The following RAPGEF6 variants were observed in gnomAD, a reference collection of about 807,000 sequenced individuals.
RAPGEF6 encodes Rap guanine nucleotide exchange factor 6.
In RAPGEF6, 56 loss-of-function variants were observed where a neutral mutation model predicts 171.4. The observed-to-expected ratio is 0.33, with a 90% CI of 0.26 to 0.41. The LOEUF is 0.41. RAPGEF6 is among the 10% of genes least tolerant of loss of function. The pLI, the probability that RAPGEF6 is intolerant of heterozygous loss-of-function variation, is 1.00. For synonymous variants in RAPGEF6, 692 were observed against 650.1 expected, an observed-to-expected ratio of 1.06 and a Z score of -0.98; for missense variants, 1,674 against 1,921.4, an observed-to-expected ratio of 0.87 and a Z score of 2.41.
At chr5:131,521,840 TACACACACACACACACAC>T (rs3992018) in intron 6 of RAPGEF6, among the ~76,000 whole-genome samples, 1,739 of 97,246 alleles carry the variant, frequency 0.018, 39 homozygotes, top group African/African-American at 0.054. Context: ...AATGTTACCC[TACACACACACACACACAC>T]ACACACACAC....
intron 18 of RAPGEF6, 45 bp from the exon 19 acceptor site, chr5:131,462,133 TTAAA>T: frequency 7.6e-7 from 1 of 1,307,190 alleles, no homozygotes; most frequent in Non-Finnish European, 1.0e-6. Flanking sequence ...ATAAATATGA[TTAAA>T]TAAGAGCACT....
At position 131,431,121 on chromosome 5, in the gene RAPGEF6, A is replaced by G; in HGVS notation, c.4203T>C (p.Ala1401=). 2 of 1,614,192 alleles carry G rather than the reference A, an allele frequency of 1.2e-6. No homozygotes were observed. Among genetic ancestry groups the G allele is most frequent in the South Asian group, 1.1e-5 (1 of 91,082 alleles). ...GCTCAGAGTCAGTGGGTTCAACTTC[A>G]GCAATGGGGTCATCCAAATGGGTAT... ...YRHTHLDDPI[A]EVEPTDSEPY... Residue 1401 remains alanine (A), a synonymous_variant, in exon 26 of 28, where the codon GCT becomes GCC. Coordinates refer to ENST00000509018, the MANE Select transcript of RAPGEF6 (RefSeq NM_016340.6).
intron 4 of RAPGEF6, among the ~76,000 whole-genome samples, chr5:131,575,661 C>G (rs188064518): frequency 1.4e-4 from 21 of 152,312 alleles, no homozygotes; most frequent in Admixed American, 1.0e-3. Context: ...CCCACAGACC[C>G]TAAGTCCTTT....
rs1708013202 is a variant in RAPGEF6 at position 131,510,334 on chromosome 5, T to C, written c.785A>G (p.Asp262Gly). The C allele has an allele frequency of 6.2e-7, 1 of 1,613,382 alleles. No homozygotes were observed. Among genetic ancestry groups the C allele is most frequent in the African/African-American group, 1.3e-5 (1 of 74,930 alleles). ...VRECLEKEPA[D>G]KTDDDIEQLL... ...CTTACCAATGTCATCATCAGTTTTGTCTGCAGGTTCTTTTTCAAGACATTC... is the reference window on the plus strand; with the variant it reads ...CTTACCAATGTCATCATCAGTTTTGCCTGCAGGTTCTTTTTCAAGACATTC... The change falls in exon 8 of 28, where the codon GAC becomes GGC. Residue 262 changes from aspartate to glycine, a missense_variant. Coordinates refer to ENST00000509018, the MANE Select transcript of RAPGEF6 (RefSeq NM_016340.6).
At chr5:131,614,197 G>A (rs1329851106) in intron 1 of RAPGEF6, among the ~76,000 whole-genome samples, 2 of 141,820 alleles carry the variant, frequency 1.4e-5, no homozygotes, top group Admixed American at 7.5e-5. Flanking sequence ...CAGGAGAATC[G>A]CCTGAACCTG....
At chr5:131,630,645 T>C (rs1045662641) in intron 1 of RAPGEF6, among the ~76,000 whole-genome samples, 1 of 152,198 alleles carries the variant, frequency 6.6e-6, no homozygotes, top group Non-Finnish European at 1.5e-5. Context: ...CACACTGTGT[T>C]AGAAAGATAT....
intron 24 of RAPGEF6, chr5:131,436,265 T>C (rs1308533042): frequency 1.3e-6 from 2 of 1,537,432 alleles, no homozygotes; most frequent in African/African-American, 2.7e-5. Context: ...GTACTGTCTG[T>C]TCTTTTGGCT....
chr5:131,504,475 A>AAT, intron 11 of RAPGEF6, 151 bp downstream of exon 11: 1 of 840,012 alleles, frequency 1.2e-6, no homozygotes, highest in Non-Finnish European at 1.7e-6. Flanking sequence ...AAAAAAAAAA[A>AAT]TTTTAGAGAA....
chr5:131,438,742 G>C (rs1023830190), intron 24 of RAPGEF6, among the ~76,000 whole-genome samples: 1 of 152,082 alleles, frequency 6.6e-6, no homozygotes, highest in Non-Finnish European at 1.5e-5. Context: ...ATGAAAACAC[G>C]TAAATGAACA....
intron 1 of RAPGEF6, among the ~76,000 whole-genome samples, chr5:131,626,625 C>T (rs1300722506): frequency 6.6e-6 from 1 of 152,026 alleles, no homozygotes; most frequent in Non-Finnish European, 1.5e-5. Context: ...ATACCTTTGT[C>T]ACTAATAACT....
At chr5:131,529,607 T>TA (rs564226793) in intron 6 of RAPGEF6, among the ~76,000 whole-genome samples, 3 of 151,448 alleles carry the variant, frequency 2.0e-5, no homozygotes, top group Middle Eastern at 3.4e-3. Flanking sequence ...CATCAAGGAT[T>TA]AAAAAAAATA....
At position 131,505,558 on chromosome 5, in the gene RAPGEF6, A is replaced by T. The variant is rs774512877; in HGVS notation, c.943-36T>A. The T allele has an allele frequency of 4.8e-5, 75 of 1,563,358 alleles. No homozygotes were observed. The African/African-American group carries it at 6.3e-4, about 13-fold the overall frequency. On this transcript the variant is annotated intron_variant, in intron 9 of 27. Transcript: ENST00000509018. The stretch of plus-strand genomic sequence containing the variant: ...AAACAAAGGTTTTATGAATCTTTTT[A>T]AAAAAGGTAGTTACATGTTAACTTT...
At chr5:131,588,948 T>C (rs1443223685) in intron 4 of RAPGEF6, among the ~76,000 whole-genome samples, 1 of 151,598 alleles carries the variant, frequency 6.6e-6, no homozygotes, top group African/African-American at 2.4e-5. Flanking sequence ...TGCATGCCTG[T>C]AATCCCAGCT....
chr5:131,477,889 C>G (rs1755212912), intron 16 of RAPGEF6, among the ~76,000 whole-genome samples: 1 of 152,144 alleles, frequency 6.6e-6, no homozygotes, highest in African/African-American at 2.4e-5. Flanking sequence ...CCTTCTGGAT[C>G]CTCGGTTTTG....
In RAPGEF6 at chr5:131,492,531, G is replaced by C. The variant is rs368779099; in HGVS notation, c.1731+51C>G. 9.2e-5 allele frequency: 141 copies of C among 1,540,290 alleles called. No individual in the cohort carries two copies. In the African/African-American group the frequency reaches 1.7e-3, roughly 19 times the overall value. Reference sequence around the variant, plus strand: ...TGGAAGATGAGAACAAAAGCAGCAGGCATAATACTTTTAAGAAGGCTTGAA... The same window carrying C: ...TGGAAGATGAGAACAAAAGCAGCAGCCATAATACTTTTAAGAAGGCTTGAA... On this transcript the variant is annotated intron_variant, in intron 14 of 27. Transcript: ENST00000509018.
At chr5:131,562,103 T>C (rs145448036) in intron 4 of RAPGEF6, 56 bp from the exon 5 acceptor site, 4 of 1,174,950 alleles carry the variant, frequency 3.4e-6, no homozygotes, top group Admixed American at 5.2e-5. Flanking sequence ...AATATATCAA[T>C]ATAGGAAAAG....
rs535626613 is a variant in RAPGEF6 at position 131,556,062 on chromosome 5, AC to A, written c.351+5915del. The stretch of plus-strand genomic sequence containing the variant: ...AACACAGAAAAGGTACAGTAAAAAT[AC>A]AGTATTATAATTTTATGGAACCATT... On this transcript the variant is annotated intron_variant, in intron 5 of 27. Transcript: ENST00000509018. Among the ~76,000 whole-genome samples, 31 of 152,324 alleles carry A rather than the reference AC, an allele frequency of 2.0e-4. No individual in the cohort carries two copies. The South Asian group carries it at 6.4e-3, about 32-fold the overall frequency.
At chr5:131,504,859 G>T (rs1396356597) in intron 10 of RAPGEF6, 81 bp from the exon 11 acceptor site, 5 of 1,281,854 alleles carry the variant, frequency 3.9e-6, no homozygotes, top group East Asian at 5.1e-5. Context: ...GAGCACAAAG[G>T]TAAGAAATCT....
chr5:131,470,010 G>A (rs879711182), intron 17 of RAPGEF6, among the ~76,000 whole-genome samples: 6 of 152,020 alleles, frequency 3.9e-5, no homozygotes, highest in Admixed American at 3.9e-4. Context: ...CATATGTGAT[G>A]TACATGGCTC....
Sources: allele counts gnomAD v4.1 joint callset (sites outside exome capture counted in the v4.1 genomes callset), GRCh38; gene constraint gnomAD v4.1.1; transcripts MANE v1.5; gene names NCBI Gene and HGNC (gene_info 2026-07-23, HGNC 2026-07-21).